The following KCNQ5 variants were observed in gnomAD, a reference collection of about 807,000 sequenced individuals.
KCNQ5 encodes potassium voltage-gated channel subfamily Q member 5.
KCNQ5 carries 30 observed loss-of-function variants against 98.2 expected under a neutral mutation model. The ratio of observed to expected loss-of-function variants is 0.31; its 90% CI spans 0.23 to 0.41. The LOEUF (loss-of-function observed/expected upper bound fraction) is 0.41, where lower values mean the gene tolerates loss of function less well. Ranked by LOEUF, KCNQ5 falls within the 10% of genes least tolerant of loss-of-function variation. The pLI is 1.00. For synonymous variants in KCNQ5, 458 were observed against 449.4 expected, an observed-to-expected ratio of 1.02 and a Z score of -0.24; for missense variants, 835 against 1,182.5, an observed-to-expected ratio of 0.71 and a Z score of 4.31.
chr6:73,020,847 T>C (rs1419428682), intron 2 of KCNQ5, among the ~76,000 whole-genome samples: 1 of 152,086 alleles, frequency 6.6e-6, no homozygotes, highest in Non-Finnish European at 1.5e-5. Context: ...ACACACAGGC[T>C]TCTCACATCC....
At chr6:73,138,218 G>A (rs963482975) in intron 10 of KCNQ5, among the ~76,000 whole-genome samples, 1 of 152,204 alleles carries the variant, frequency 6.6e-6, no homozygotes, top group African/African-American at 2.4e-5. Context: ...AAAAGATAGT[G>A]TCAGAAGATG....
At chr6:72,952,764 C>T (rs1766865312) in intron 1 of KCNQ5, among the ~76,000 whole-genome samples, 1 of 152,176 alleles carries the variant, frequency 6.6e-6, no homozygotes, top group South Asian at 2.1e-4. Flanking sequence ...TTCTAACTAG[C>T]AAAGCTCTTG....
At chr6:72,770,032 A>G (rs1187895283) in intron 1 of KCNQ5, among the ~76,000 whole-genome samples, 1 of 152,150 alleles carries the variant, frequency 6.6e-6, no homozygotes, top group East Asian at 1.9e-4. Context: ...GAAGCCTGTA[A>G]AAACAGAGTC....
At position 73,084,973 on chromosome 6, in the gene KCNQ5, AT is replaced by A. The variant is rs762436320; in HGVS notation, c.918+7088del. On this transcript the variant is annotated intron_variant, in intron 5 of 13. Coordinates refer to ENST00000370398, the MANE Select transcript of KCNQ5 (RefSeq NM_019842.4). ...ATGTACAAAGGATCAACTGATAAAC[AT>A]TAGCAGGGCCTCCCAAGTGCTAGGA... Among the ~76,000 whole-genome samples, 57 of 152,358 alleles carry A rather than the reference AT, an allele frequency of 3.7e-4. 2 individuals carry two copies. The South Asian group carries it at 5.2e-3, about 14-fold the overall frequency.
chr6:73,123,979 A>G (rs1365490270), intron 8 of KCNQ5, among the ~76,000 whole-genome samples: 1 of 152,188 alleles, frequency 6.6e-6, no homozygotes, highest in Non-Finnish European at 1.5e-5. Flanking sequence ...AGGCTAAAAG[A>G]GTTTTGGTAA....
chr6:73,157,740 G>C (rs1777425464), intron 10 of KCNQ5: 1 of 777,972 alleles, frequency 1.3e-6, no homozygotes, highest in Admixed American at 1.7e-5. Flanking sequence ...GGTCCCGAGC[G>C]ATGAAGTAAG....
intron 3 of KCNQ5, among the ~76,000 whole-genome samples, chr6:73,062,964 A>C (rs1772847297): frequency 6.6e-6 from 1 of 152,158 alleles, no homozygotes; most frequent in African/African-American, 2.4e-5. Context: ...TTAAGAATCC[A>C]TCTCTTATCA....
chr6:72,739,290 G>A (rs1771009431), intron 1 of KCNQ5, among the ~76,000 whole-genome samples: 1 of 152,104 alleles, frequency 6.6e-6, no homozygotes, highest in South Asian at 2.1e-4. Context: ...AATTGTGGGG[G>A]AATTATAGAA....
chr6:73,055,516 A>G, intron 3 of KCNQ5: 1 of 1,530,604 alleles, frequency 6.5e-7, no homozygotes, highest in Non-Finnish European at 9.0e-7. Context: ...ACAGGTATGC[A>G]GACCTCACAG....
At chr6:72,810,382 G>A (rs926044006) in intron 1 of KCNQ5, among the ~76,000 whole-genome samples, 1 of 152,168 alleles carries the variant, frequency 6.6e-6, no homozygotes, top group Non-Finnish European at 1.5e-5. Context: ...AAACACTAGA[G>A]CTAATAGGAC....
At chr6:72,722,652 G>T (rs1015803164) in intron 1 of KCNQ5, among the ~76,000 whole-genome samples, 1 of 152,082 alleles carries the variant, frequency 6.6e-6, no homozygotes, top group African/African-American at 2.4e-5. Context: ...AATCATGGGA[G>T]GCATTGTTCC....
chr6:72,942,097 C>T (rs1273042373), intron 1 of KCNQ5, among the ~76,000 whole-genome samples: 1 of 152,132 alleles, frequency 6.6e-6, no homozygotes, highest in African/African-American at 2.4e-5. Flanking sequence ...AAGAATGTGA[C>T]TGAAGCTCAG....
At chr6:72,886,610 A>G (rs1195473705) in intron 1 of KCNQ5, among the ~76,000 whole-genome samples, 5 of 152,180 alleles carry the variant, frequency 3.3e-5, no homozygotes, top group African/African-American at 1.2e-4. Context: ...GTGGAGTAAT[A>G]AAAAGAAATC....
At position 73,031,532 on chromosome 6, in the gene KCNQ5, C is replaced by T. The variant is rs118008857; in HGVS notation, c.490-10404C>T. On this transcript the variant is annotated intron_variant, in intron 2 of 13. Transcript: ENST00000370398. Reference sequence around the variant, plus strand: ...AGCCGTGAACTGAAGGAAACTTCAACAAACATTTGGCTAGGGCCTGCTCTA... The same window carrying T: ...AGCCGTGAACTGAAGGAAACTTCAATAAACATTTGGCTAGGGCCTGCTCTA... Among the ~76,000 whole-genome samples, 1,247 of 152,320 alleles carry T rather than the reference C, an allele frequency of 8.2e-3. 10 individuals are homozygous for T. Among genetic ancestry groups the T allele is most frequent in the Admixed American group, 0.017 (259 of 15,296 alleles).
intron 1 of KCNQ5, among the ~76,000 whole-genome samples, chr6:72,681,168 G>A (rs1767687631): frequency 6.6e-6 from 1 of 152,218 alleles, no homozygotes; most frequent in Non-Finnish European, 1.5e-5. Context: ...ATGTTTGGAA[G>A]TTACAACATT....
At chr6:72,908,052 A>T (rs749631129) in intron 1 of KCNQ5, among the ~76,000 whole-genome samples, 23 of 152,092 alleles carry the variant, frequency 1.5e-4, no homozygotes, top group Non-Finnish European at 2.6e-4. Context: ...AAATTTTAAT[A>T]TATAGGAACA....
intron 1 of KCNQ5, among the ~76,000 whole-genome samples, chr6:72,880,499 T>C (rs1778596504): frequency 6.6e-6 from 1 of 152,128 alleles, no homozygotes; most frequent in African/African-American, 2.4e-5. Flanking sequence ...GACATACGAA[T>C]TTGAAGGGGA....
intron 1 of KCNQ5, among the ~76,000 whole-genome samples, chr6:72,862,191 C>T (rs1777792562): frequency 6.6e-6 from 1 of 152,190 alleles, no homozygotes; most frequent in Admixed American, 6.5e-5. Context: ...TGGATCCAGT[C>T]AGCTGTAGCT....
intron 2 of KCNQ5, among the ~76,000 whole-genome samples, chr6:73,038,506 G>A (rs1010465014): frequency 6.6e-6 from 1 of 151,960 alleles, no homozygotes; most frequent in African/African-American, 2.4e-5. Flanking sequence ...TAAGTTTGTT[G>A]TAAATGCTAT....
Sources: allele counts gnomAD v4.1 joint callset (sites outside exome capture counted in the v4.1 genomes callset), GRCh38; gene constraint gnomAD v4.1.1; transcripts MANE v1.5; gene names NCBI Gene and HGNC (gene_info 2026-07-23, HGNC 2026-07-21).